Variants in MARCHF1 observed in about 807,000 individuals in gnomAD.
MARCHF1 encodes the protein membrane associated ring-CH-type finger 1, also known as E3 ubiquitin-protein ligase MARCHF1.
Under a neutral mutation model 54.2 loss-of-function variants are expected in MARCHF1, and 40 were observed. The observed-to-expected ratio is 0.74, with a 90% CI of 0.57 to 0.96. The LOEUF is 0.96. Ranked by LOEUF, MARCHF1 falls within the 40% of genes least tolerant of loss-of-function variation. The pLI is 0.00. For synonymous variants in MARCHF1, 236 were observed against 236.3 expected (o/e 1.00, Z 0.01); for missense variants, 586 against 656.5 (o/e 0.89, Z 1.17).
At chr4:163,807,175 T>C (rs930936276) in intron 4 of MARCHF1, among the ~76,000 whole-genome samples, 2 of 152,252 alleles carry the variant, frequency 1.3e-5, no homozygotes, top group African/African-American at 4.8e-5. Context: ...AGCACGGAAG[T>C]CTCCAGTAGT....
intron 5 of MARCHF1, among the ~76,000 whole-genome samples, chr4:163,649,387 C>T (rs28434682): frequency 0.01 from 1,521 of 152,010 alleles, 35 homozygotes; most frequent in African/African-American, 0.033. Flanking sequence ...AGTTGTAAAT[C>T]GAAACACATT....
intron 9 of MARCHF1, among the ~76,000 whole-genome samples, chr4:163,532,246 A>AATC (rs1738378963): frequency 6.6e-6 from 1 of 151,936 alleles, no homozygotes; most frequent in African/African-American, 2.4e-5. Context: ...TAAAGAAATA[A>AATC]ATCATTGAAA....
chr4:164,372,470 A>AT (rs1317897112), intron 1 of MARCHF1, among the ~76,000 whole-genome samples: 3 of 152,160 alleles, frequency 2.0e-5, no homozygotes, highest in Non-Finnish European at 2.9e-5. Flanking sequence ...AGAAGTCAAT[A>AT]TTTTTTAACT....
chr4:163,757,185 C>G (rs927598183), intron 4 of MARCHF1, among the ~76,000 whole-genome samples: 4 of 152,178 alleles, frequency 2.6e-5, no homozygotes, highest in African/African-American at 9.7e-5. Flanking sequence ...CAAACTCATT[C>G]TCAACATTCT....
intron 5 of MARCHF1, among the ~76,000 whole-genome samples, chr4:163,670,054 C>G (rs1440428450): frequency 6.6e-6 from 1 of 151,480 alleles, no homozygotes; most frequent in Non-Finnish European, 1.5e-5. Flanking sequence ...TAATTACAAG[C>G]CACCATCAGT....
intron 1 of MARCHF1, among the ~76,000 whole-genome samples, chr4:164,300,101 A>T (rs1182792640): frequency 6.6e-6 from 1 of 152,172 alleles, no homozygotes; most frequent in Non-Finnish European, 1.5e-5. Context: ...TTCTAGAACC[A>T]GAACACTTCT....
intron 1 of MARCHF1, among the ~76,000 whole-genome samples, chr4:164,301,421 G>A (rs948714632): frequency 6.6e-6 from 1 of 152,192 alleles, no homozygotes; most frequent in African/African-American, 2.4e-5. Context: ...TAATTGTAAG[G>A]CTGTCTTAAG....
chr4:164,123,862 C>T (rs984228782), intron 1 of MARCHF1, among the ~76,000 whole-genome samples: 1 of 152,024 alleles, frequency 6.6e-6, no homozygotes, highest in African/African-American at 2.4e-5. Flanking sequence ...TTGAGAAATA[C>T]CTCACTAGCA....
chr4:163,534,363 C>A (rs536261384), intron 9 of MARCHF1, among the ~76,000 whole-genome samples: 10 of 152,162 alleles, frequency 6.6e-5, no homozygotes, highest in South Asian at 4.1e-4. Flanking sequence ...CACAATATTG[C>A]AAATTCCCTA....
chr4:164,376,767 G>A (rs1408060915), intron 1 of MARCHF1, among the ~76,000 whole-genome samples: 2 of 152,174 alleles, frequency 1.3e-5, no homozygotes, highest in African/African-American at 4.8e-5. Flanking sequence ...TCACAGAAAA[G>A]AAAGTGAAAG....
chr4:163,726,597 C>T (rs139040980), intron 4 of MARCHF1, among the ~76,000 whole-genome samples: 2 of 152,286 alleles, frequency 1.3e-5, no homozygotes, highest in African/African-American at 2.4e-5. Context: ...TGAGGGCATA[C>T]ATTTTCAACT....
intron 2 of MARCHF1, among the ~76,000 whole-genome samples, chr4:164,068,403 C>A (rs777057028): frequency 1.4e-4 from 21 of 152,120 alleles, no homozygotes; most frequent in Non-Finnish European, 2.8e-4. Context: ...GAGGGAGAGG[C>A]ATGGGTGGGA....
At chr4:164,091,689 G>T (rs1228197875) in intron 2 of MARCHF1, among the ~76,000 whole-genome samples, 2 of 151,916 alleles carry the variant, frequency 1.3e-5, no homozygotes, top group Non-Finnish European at 2.9e-5. Context: ...TGGAAATTAT[G>T]CTCAAAAGGC....
At chr4:163,955,314 C>G (rs1752210036) in intron 3 of MARCHF1, among the ~76,000 whole-genome samples, 1 of 146,792 alleles carries the variant, frequency 6.8e-6, no homozygotes, top group Non-Finnish European at 1.5e-5. Flanking sequence ...AGCAAGCTCT[C>G]TCACATAATA....
At position 164,041,841 on chromosome 4, in the gene MARCHF1, T is replaced by C. The variant is rs62348141; in HGVS notation, c.-247-53132A>G. ...AAAGATGCATGGTATGCTATAATAT[T>C]TCATTTGCTTTTCTCTTTGTAGCTA... is the stretch of plus-strand genomic sequence containing the variant. On this transcript the variant is annotated intron_variant, in intron 2 of 9. Transcript: ENST00000514618. Among the ~76,000 whole-genome samples the C allele has an allele frequency of 5.6e-3, 853 of 152,266 alleles. 7 individuals are homozygous for C. Among genetic ancestry groups the C allele is most frequent in the South Asian group, 0.039 (189 of 4,826 alleles).
intron 5 of MARCHF1, among the ~76,000 whole-genome samples, chr4:163,648,370 T>C (rs1742835827): frequency 6.6e-6 from 1 of 151,952 alleles, no homozygotes; most frequent in Admixed American, 6.6e-5. Flanking sequence ...CAGAACATTG[T>C]CTAAGGATTA....
chr4:164,280,242 T>A (rs1198769115), intron 1 of MARCHF1, among the ~76,000 whole-genome samples: 38 of 152,012 alleles, frequency 2.5e-4, no homozygotes, highest in Admixed American at 2.4e-3. Context: ...TTTACATAGA[T>A]CTTTCCTCAA....
chr4:164,329,878 G>A (rs1206006089), intron 1 of MARCHF1: 1 of 152,208 alleles, frequency 6.6e-6, no homozygotes, highest in Admixed American at 6.5e-5. Context: ...CTCCTACCAG[G>A]CCCCACCTCC....
chr4:164,192,175 T>C (rs1179154370), intron 1 of MARCHF1, among the ~76,000 whole-genome samples: 1 of 152,216 alleles, frequency 6.6e-6, no homozygotes, highest in African/African-American at 2.4e-5. Flanking sequence ...TCTTAATTTG[T>C]AAATAGCTAA....
Sources: gnomAD v4.1 joint callset for allele counts (sites outside exome capture counted in the v4.1 genomes callset) on GRCh38, gnomAD v4.1.1 for gene constraint, MANE v1.5 for transcripts, NCBI Gene and HGNC (gene_info 2026-07-23, HGNC 2026-07-21) for gene names.